CCDC171: variants seen among roughly 807,000 people sequenced by gnomAD.
CCDC171 encodes coiled-coil domain containing 171, also known as coiled-coil domain-containing protein 171.
A neutral mutation model predicts 168.2 loss-of-function variants in CCDC171; 177 were observed. The ratio of observed to expected loss-of-function variants is 1.05; its 90% CI spans 0.93 to 1.19. The LOEUF (loss-of-function observed/expected upper bound fraction) is 1.19, where lower values mean the gene tolerates loss of function less well. Among genes scored for constraint, CCDC171 ranks in the 50% most tolerant of loss-of-function variants. The pLI is 0.00. For missense variants in CCDC171, 1,991 were observed against 1,539.0 expected (o/e 1.29, Z -4.91); for synonymous variants, 687 against 540.8 (o/e 1.27, Z -3.75).
intron 23 of CCDC171, among the ~76,000 whole-genome samples, chr9:15,859,637 TTTTTGTTTTG>T (rs572230037): frequency 6.3e-4 from 80 of 127,408 alleles, no homozygotes; most frequent in South Asian, 5.7e-3. Context: ...CCCCCGAATC[TTTTTGTTTTG>T]TTTTGTTTTG....
the CCDC171 span, among the ~76,000 whole-genome samples, chr9:16,088,517 CA>C: frequency 6.6e-6 from 1 of 152,204 alleles, no homozygotes; most frequent in African/African-American, 2.4e-5. Flanking sequence ...GCAACTTCAG[CA>C]AAGTCTCAGG....
At chr9:15,708,764 AT>A (rs943354195) in intron 11 of CCDC171, among the ~76,000 whole-genome samples, 1 of 152,114 alleles carries the variant, frequency 6.6e-6, no homozygotes, top group African/African-American at 2.4e-5. Flanking sequence ...CAGGGAGTAG[AT>A]TGGGAGATGA....
At chr9:15,867,119 GT>G (rs1263260618) in intron 23 of CCDC171, among the ~76,000 whole-genome samples, 4 of 151,998 alleles carry the variant, frequency 2.6e-5, no homozygotes. Flanking sequence ...GAATTTGCAG[GT>G]AATGTAATGA....
At chr9:15,639,431 C>A (rs989742603) in intron 7 of CCDC171, among the ~76,000 whole-genome samples, 1 of 152,032 alleles carries the variant, frequency 6.6e-6, no homozygotes, top group South Asian at 2.1e-4. Flanking sequence ...AGTTTATTAT[C>A]ATGTTAATCA....
chr9:15,792,291 C>G (rs1016154253), intron 21 of CCDC171, among the ~76,000 whole-genome samples: 1 of 152,196 alleles, frequency 6.6e-6, no homozygotes, highest in Admixed American at 6.5e-5. Context: ...GAAAAAGAAA[C>G]GAACAAAGCT....
At chr9:15,639,289 G>A (rs1587655225) in intron 7 of CCDC171, among the ~76,000 whole-genome samples, 1 of 152,002 alleles carries the variant, frequency 6.6e-6, no homozygotes, top group South Asian at 2.1e-4. Flanking sequence ...ACAGTCATAG[G>A]TATTACACAT....
At chr9:15,828,173 G>T in intron 21 of CCDC171, among the ~76,000 whole-genome samples, 1 of 152,116 alleles carries the variant, frequency 6.6e-6, no homozygotes, top group Non-Finnish European at 1.5e-5. Flanking sequence ...TTTATTTTGA[G>T]ATGATCATAA....
chr9:15,972,383 C>CTT lies in CCDC171; in HGVS notation c.*547_*548insTT, dbSNP rs1831438268. 6.5e-6 allele frequency: 1 copy of CTT among 154,178 alleles called. No homozygotes were observed. Among genetic ancestry groups the CTT allele is most frequent in the African/African-American group, 2.4e-5 (1 of 41,450 alleles). The allele number at this position is 154,178 out of a possible 1,614,324, so 9.6% of individuals were successfully genotyped here. On this transcript the variant is annotated 3_prime_UTR_variant, in exon 26 of 26. Coordinates refer to ENST00000380701, the MANE Select transcript of CCDC171 (RefSeq NM_173550.4). ...TGATGTGACTGCTTCTCCTCCTGCA[C>CTT]AATAATGTCACTCCTGGTCAATGTG...
chr9:15,636,139 G>C (rs2046183538), intron 7 of CCDC171, among the ~76,000 whole-genome samples: 1 of 151,804 alleles, frequency 6.6e-6, no homozygotes, highest in Admixed American at 6.6e-5. Flanking sequence ...TTTAAAAATG[G>C]ATTATTTGTA....
At chr9:16,078,753 A>G in the CCDC171 span, among the ~76,000 whole-genome samples, 1 of 152,092 alleles carries the variant, frequency 6.6e-6, no homozygotes, top group Non-Finnish European at 1.5e-5. Context: ...TGGAATGAGC[A>G]TGATACCATT....
upstream of CCDC171, among the ~76,000 whole-genome samples, chr9:16,039,364 T>A (rs760935042): frequency 4.6e-5 from 7 of 152,228 alleles, no homozygotes; most frequent in Non-Finnish European, 7.3e-5. Context: ...TACGATTTTT[T>A]TCCTTCTGCG....
intron 11 of CCDC171, among the ~76,000 whole-genome samples, chr9:15,708,122 A>G (rs1478875256): frequency 1.3e-5 from 2 of 152,084 alleles, no homozygotes; most frequent in African/African-American, 4.8e-5. Context: ...TGTTGGGATT[A>G]CAGGCATGAG....
At chr9:15,735,397 T>C (rs2054427652) in intron 16 of CCDC171, among the ~76,000 whole-genome samples, 1 of 152,236 alleles carries the variant, frequency 6.6e-6, no homozygotes, top group African/African-American at 2.4e-5. Flanking sequence ...TTGAAAAAGA[T>C]AGTTATTGGA....
At chr9:15,745,813 G>T (rs987119713) in intron 18 of CCDC171, among the ~76,000 whole-genome samples, 182 bp downstream of exon 18, 2 of 152,014 alleles carry the variant, frequency 1.3e-5, no homozygotes, top group African/African-American at 4.8e-5. Flanking sequence ...TATAAATTTT[G>T]TCTCTATTTA....
chr9:15,903,507 C>T (rs188615665), intron 24 of CCDC171, among the ~76,000 whole-genome samples: 1 of 152,018 alleles, frequency 6.6e-6, no homozygotes, highest in East Asian at 1.9e-4. Flanking sequence ...GAAAGGACAT[C>T]CACACCAAAA....
At chr9:15,911,684 T>TA (rs1472349609) in intron 24 of CCDC171, among the ~76,000 whole-genome samples, 1 of 152,178 alleles carries the variant, frequency 6.6e-6, no homozygotes, top group Non-Finnish European at 1.5e-5. Context: ...TTTTAGGTCT[T>TA]ACATTTAAAT....
At chr9:15,875,952 T>C (rs969638037) in intron 24 of CCDC171, 8 of 152,260 alleles carry the variant, frequency 5.3e-5, no homozygotes, top group Admixed American at 2.0e-4. Context: ...GAATTCATCA[T>C]TACTATGAAT....
intron 24 of CCDC171, among the ~76,000 whole-genome samples, chr9:15,911,755 T>A (rs1823674675): frequency 6.6e-6 from 1 of 152,202 alleles, no homozygotes; most frequent in Non-Finnish European, 1.5e-5. Flanking sequence ...CAGTTTCAGT[T>A]TTCTGCATAT....
intron 18 of CCDC171, among the ~76,000 whole-genome samples, chr9:15,754,856 A>C (rs1378493072): frequency 1.3e-5 from 2 of 152,190 alleles, no homozygotes; most frequent in African/African-American, 4.8e-5. Flanking sequence ...TATATTGGTC[A>C]TTATTAATAT....
Sources: allele counts gnomAD v4.1 joint callset (sites outside exome capture counted in the v4.1 genomes callset), GRCh38; gene constraint gnomAD v4.1.1; transcripts MANE v1.5; gene names NCBI Gene and HGNC (gene_info 2026-07-23, HGNC 2026-07-21).